CCSER1: variants seen among roughly 807,000 people sequenced by gnomAD.
CCSER1 encodes the protein serine-rich coiled-coil domain-containing protein 1.
A neutral mutation model predicts 82.0 loss-of-function variants in CCSER1; 41 were observed. The observed-to-expected ratio is 0.50, with a 90% CI of 0.39 to 0.65. The LOEUF is 0.65. Ranked by LOEUF, CCSER1 falls within the 30% of genes least tolerant of loss-of-function variation. CCSER1 has a pLI of 0.00. For missense variants in CCSER1, 1,119 were observed against 1,064.2 expected (o/e 1.05, Z -0.72); for synonymous variants, 414 against 383.9 (o/e 1.08, Z -0.92).
intron 10 of CCSER1, among the ~76,000 whole-genome samples, chr4:91,260,750 A>T (rs1398812511): frequency 6.6e-6 from 1 of 150,846 alleles, no homozygotes; most frequent in African/African-American, 2.5e-5. Flanking sequence ...TTTTTTATTT[A>T]TTTATTTATT....
intron 10 of CCSER1, among the ~76,000 whole-genome samples, chr4:91,094,240 G>A (rs185659443): frequency 1.3e-5 from 2 of 152,270 alleles, no homozygotes; most frequent in Non-Finnish European, 2.9e-5. Context: ...AGATGGTGGG[G>A]TAATTTTTAA....
intron 10 of CCSER1, among the ~76,000 whole-genome samples, chr4:91,303,462 G>A (rs950157385): frequency 1.3e-5 from 2 of 151,960 alleles, no homozygotes; most frequent in Non-Finnish European, 2.9e-5. Context: ...TACTAGTAAT[G>A]AATCAATGTT....
chr4:91,375,649 A>G lies in CCSER1; in HGVS notation c.2218-222923A>G, dbSNP rs1750362293. ...CCTCTGGTTACATTTTTCTCACTTC[A>G]ATGATAGAAACAACTTTAGTAAAAG... On this transcript the variant is annotated intron_variant, in intron 10 of 10. Coordinates refer to ENST00000509176, the MANE Select transcript of CCSER1 (RefSeq NM_001145065.2). Among the ~76,000 whole-genome samples the G allele has an allele frequency of 4.6e-5, 7 of 152,178 alleles. No individual in the cohort carries two copies. In the South Asian group the frequency reaches 1.4e-3, roughly 32 times the overall value.
intron 5 of CCSER1, among the ~76,000 whole-genome samples, chr4:90,502,595 G>A (rs1201096167): frequency 6.6e-6 from 1 of 152,056 alleles, no homozygotes; most frequent in Non-Finnish European, 1.5e-5. Context: ...GCCTCAGGTG[G>A]ATGTTGAGGG....
intron 3 of CCSER1, among the ~76,000 whole-genome samples, chr4:90,352,641 G>A (rs558342731): frequency 2.8e-5 from 4 of 143,736 alleles, no homozygotes; most frequent in Non-Finnish European, 3.0e-5. Flanking sequence ...CAGCCTGGGC[G>A]ACAGAGCAAG....
chr4:91,553,434 C>T lies in CCSER1; in HGVS notation c.2218-45138C>T, dbSNP rs971491847. Among the ~76,000 whole-genome samples, 3 of 151,220 alleles carry T rather than the reference C, an allele frequency of 2.0e-5. 1 individual carries two copies. Among genetic ancestry groups the T allele is most frequent in the African/African-American group, 4.9e-5 (2 of 41,080 alleles). On this transcript the variant is annotated intron_variant, in intron 10 of 10. Coordinates refer to ENST00000509176, the MANE Select transcript of CCSER1 (RefSeq NM_001145065.2). ...CATAAAATGAGTTTGAAAGCATTCCCTCTTCTTTAATATTTTAAGAAAGAT... is the reference window on the plus strand; with the variant it reads ...CATAAAATGAGTTTGAAAGCATTCCTTCTTCTTTAATATTTTAAGAAAGAT...
intron 1 of CCSER1, among the ~76,000 whole-genome samples, chr4:90,155,787 C>T (rs1253756581): frequency 3.1e-4 from 46 of 146,540 alleles, no homozygotes; most frequent in East Asian, 1.0e-3. Context: ...GTCTTGCTAG[C>T]GGTCTATCAA....
At chr4:90,558,287 A>T (rs1778357291) in intron 5 of CCSER1, among the ~76,000 whole-genome samples, 1 of 152,200 alleles carries the variant, frequency 6.6e-6, no homozygotes, top group African/African-American at 2.4e-5. Flanking sequence ...TTATTCTTGA[A>T]ACTTGAATTT....
chr4:91,345,919 A>T (rs1249338814), intron 10 of CCSER1, among the ~76,000 whole-genome samples: 2 of 152,120 alleles, frequency 1.3e-5, no homozygotes, highest in African/African-American at 4.8e-5. Flanking sequence ...AAAATGACAT[A>T]TTGTTGAAAT....
chr4:90,636,320 CAG>C (rs1391755317), intron 6 of CCSER1, among the ~76,000 whole-genome samples: 1 of 151,610 alleles, frequency 6.6e-6, no homozygotes, highest in Non-Finnish European at 1.5e-5. Context: ...ATACATATGA[CAG>C]ATATTATGTA....
At chr4:90,296,969 A>G (rs1732084888) in intron 1 of CCSER1, among the ~76,000 whole-genome samples, 1 of 152,074 alleles carries the variant, frequency 6.6e-6, no homozygotes, top group South Asian at 2.1e-4. Flanking sequence ...TTGACTTGGC[A>G]ATGTGGGCTC....
chr4:90,856,641 G>A (rs555525251), intron 8 of CCSER1, among the ~76,000 whole-genome samples: 53 of 152,204 alleles, frequency 3.5e-4, no homozygotes, highest in Middle Eastern at 3.4e-3. Flanking sequence ...TAAAAACAGA[G>A]TATTAAGATC....
At chr4:91,000,869 C>T (rs994052957) in intron 9 of CCSER1, among the ~76,000 whole-genome samples, 1 of 152,088 alleles carries the variant, frequency 6.6e-6, no homozygotes, top group African/African-American at 2.4e-5. Context: ...ATATCATCCA[C>T]AAAGATAAGT....
intron 8 of CCSER1, among the ~76,000 whole-genome samples, chr4:90,859,627 A>G (rs1182280925): frequency 1.3e-5 from 2 of 151,756 alleles, no homozygotes; most frequent in African/African-American, 4.8e-5. Flanking sequence ...ATAGCTATTT[A>G]TTTGCAACAG....
At chr4:91,358,613 A>G (rs1749028154) in intron 10 of CCSER1, among the ~76,000 whole-genome samples, 1 of 152,160 alleles carries the variant, frequency 6.6e-6, no homozygotes. Context: ...AAGAGTGCCA[A>G]TGCAGGCACG....
intron 9 of CCSER1, among the ~76,000 whole-genome samples, chr4:90,952,344 A>G (rs905129963): frequency 3.3e-5 from 5 of 152,056 alleles, no homozygotes; most frequent in African/African-American, 1.2e-4. Flanking sequence ...ACCTAGAGAT[A>G]GTTTTGGATG....
intron 10 of CCSER1, among the ~76,000 whole-genome samples, chr4:91,326,234 T>C (rs913250892): frequency 3.9e-5 from 6 of 152,170 alleles, no homozygotes; most frequent in African/African-American, 1.4e-4. Context: ...GGGTAATTTA[T>C]GATGAAAGAG....
intron 10 of CCSER1, among the ~76,000 whole-genome samples, chr4:91,299,976 A>G (rs59553453): frequency 0.31 from 46,868 of 151,696 alleles, 7,400 homozygotes; most frequent in Admixed American, 0.38. Context: ...AAAAAACAAA[A>G]CATTGCCAAG....
intron 3 of CCSER1, among the ~76,000 whole-genome samples, chr4:90,349,733 C>A (rs1161823437): frequency 7.2e-6 from 1 of 139,592 alleles, no homozygotes; most frequent in Non-Finnish European, 1.6e-5. Context: ...TTAATTATAA[C>A]AATAATTAGA....
Sources: gnomAD v4.1 joint callset for allele counts (sites outside exome capture counted in the v4.1 genomes callset) on GRCh38, gnomAD v4.1.1 for gene constraint, MANE v1.5 for transcripts, NCBI Gene and HGNC (gene_info 2026-07-23, HGNC 2026-07-21) for gene names.